The following BRAF variants were observed in gnomAD, a reference collection of about 807,000 sequenced individuals.
BRAF encodes the protein B-Raf proto-oncogene, serine/threonine kinase.
In BRAF, 16 loss-of-function variants were observed where a neutral mutation model predicts 104.6. The observed-to-expected ratio is 0.15, with a 90% CI of 0.10 to 0.23. The LOEUF (loss-of-function observed/expected upper bound fraction) is 0.23. Among genes scored for constraint, BRAF ranks in the 10% least tolerant of loss-of-function variants. BRAF has a pLI of 1.00. For missense variants in BRAF, 541 were observed against 937.3 expected (o/e 0.58, Z 5.52); for synonymous variants, 310 against 341.6 (o/e 0.91, Z 1.02).
intron 1 of BRAF, among the ~76,000 whole-genome samples, chr7:140,898,545 G>T (rs1325097880): frequency 6.6e-6 from 1 of 152,154 alleles, no homozygotes; most frequent in East Asian, 1.9e-4. Flanking sequence ...AAAATTAAAT[G>T]AGATAAATTT....
Position 140,813,355 on chromosome 7 carries a change from G to C in BRAF, c.505-4360C>G, listed in dbSNP as rs117910367. Among the ~76,000 whole-genome samples the C allele has an allele frequency of 2.0e-5, 3 of 152,216 alleles. No homozygotes were observed. In the East Asian group the frequency reaches 5.8e-4, roughly 29 times the overall value. ...TAGTGAAGTTATTTTTCATTTATCA[G>C]ATTGGCAAAAATCCAAAAAAAAATT... On this transcript the variant is annotated intron_variant, in intron 3 of 19. Transcript: ENST00000644969.
chr7:140,852,651 C>CA (rs113491961), intron 1 of BRAF, among the ~76,000 whole-genome samples: 18,598 of 152,094 alleles, frequency 0.12, 1,335 homozygotes, highest in South Asian at 0.21. Flanking sequence ...TAGGTGATCT[C>CA]ATCCAATCTT....
intron 14 of BRAF, among the ~76,000 whole-genome samples, chr7:140,771,564 C>T (rs993529980): frequency 5.9e-5 from 9 of 152,018 alleles, no homozygotes; most frequent in Admixed American, 4.6e-4. Flanking sequence ...AAAATGAATC[C>T]GTTTGTTCCT....
intron 1 of BRAF, among the ~76,000 whole-genome samples, chr7:140,916,031 G>C (rs1817598455): frequency 6.6e-6 from 1 of 151,868 alleles, no homozygotes; most frequent in South Asian, 2.1e-4. Flanking sequence ...TAAAAACTCT[G>C]CAAGGTGACC....
intron 1 of BRAF, among the ~76,000 whole-genome samples, chr7:140,855,170 T>G (rs1482326159): frequency 6.6e-6 from 1 of 151,980 alleles, no homozygotes; most frequent in African/African-American, 2.4e-5. Context: ...ATGACTCTTA[T>G]AAAATAGAGA....
At chr7:140,820,508 C>A (rs1178583427) in intron 3 of BRAF, among the ~76,000 whole-genome samples, 1 of 152,160 alleles carries the variant, frequency 6.6e-6, no homozygotes, top group Admixed American at 6.5e-5. Flanking sequence ...CCTGAACAAT[C>A]ATAAAAAACA....
chr7:140,875,321 A>G (rs1230776904), intron 1 of BRAF, among the ~76,000 whole-genome samples: 1 of 152,214 alleles, frequency 6.6e-6, no homozygotes, highest in Non-Finnish European at 1.5e-5. Flanking sequence ...AAATGGATAA[A>G]TACGTAGAAT....
rs556745864 is a variant in BRAF, at chr7:140,886,562, C to T, written c.139-36350G>A. On this transcript the variant is annotated intron_variant, in intron 1 of 19. Transcript: ENST00000644969. ...TCAGCAGCAGAGCAGAGCCTTCACA[C>T]ATGCTATTCCTTCTTCCTGGAACAC... Among the ~76,000 whole-genome samples the T allele has an allele frequency of 2.0e-5, 3 of 152,340 alleles. No individual in the cohort carries two copies. In the South Asian group the frequency reaches 6.2e-4, roughly 32 times the overall value.
chr7:140,894,255 G>C (rs1411569113), intron 1 of BRAF, among the ~76,000 whole-genome samples: 1 of 152,064 alleles, frequency 6.6e-6, no homozygotes, highest in East Asian at 1.9e-4. Flanking sequence ...GGCTGAAGAA[G>C]AAAAAAGGAA....
At chr7:140,763,456 CG>C (rs982542070) in intron 14 of BRAF, among the ~76,000 whole-genome samples, 15 of 151,994 alleles carry the variant, frequency 9.9e-5, no homozygotes, top group African/African-American at 3.4e-4. Context: ...GCTGGCTGGG[CG>C]GGGGGCTGAC....
chr7:140,808,811 G>T, intron 4 of BRAF, 81 bp downstream of exon 4: 4 of 1,144,568 alleles, frequency 3.5e-6, no homozygotes, highest in Non-Finnish European at 5.2e-6. Flanking sequence ...CCTAGGTTTT[G>T]GTAAAGATCC....
chr7:140,765,852 G>T (rs1341338988), intron 14 of BRAF, among the ~76,000 whole-genome samples: 1 of 150,264 alleles, frequency 6.7e-6, no homozygotes, highest in African/African-American at 2.5e-5. Context: ...ACTGTTGGTG[G>T]GACTGTAAAC....
chr7:140,810,877 C>T lies in BRAF; in HGVS notation c.505-1882G>A, dbSNP rs114727492. Among the ~76,000 whole-genome samples, 1,489 of 152,326 alleles carry T rather than the reference C, an allele frequency of 9.8e-3. 25 individuals carry two copies. The highest frequency in any genetic ancestry group is 0.034 in the African/African-American group (1,401 of 41,560). The stretch of plus-strand genomic sequence containing the variant: ...TTGCCTTCTTGTTTCAATTTTCATA[C>T]TATAAACAAGTATCCTGGGCAGAGC... On this transcript the variant is annotated intron_variant, in intron 3 of 19. Transcript: ENST00000644969.
At chr7:140,799,362 A>T (rs938043945) in intron 7 of BRAF, 3 of 232,522 alleles carry the variant, frequency 1.3e-5, no homozygotes, top group Non-Finnish European at 2.5e-5. Flanking sequence ...ATCCATCTGT[A>T]TTTCACTGCT....
At chr7:140,750,965 A>G (rs1797740590) in intron 16 of BRAF, among the ~76,000 whole-genome samples, 1 of 152,182 alleles carries the variant, frequency 6.6e-6, no homozygotes, top group Non-Finnish European at 1.5e-5. Flanking sequence ...AAAGTTGAGA[A>G]GAACATTGTA....
At chr7:140,814,639 T>C (rs895623803) in intron 3 of BRAF, among the ~76,000 whole-genome samples, 8 of 150,934 alleles carry the variant, frequency 5.3e-5, no homozygotes, top group Admixed American at 5.3e-4. Flanking sequence ...CACTCCAGCC[T>C]GGGTGACAGA....
At chr7:140,914,967 G>A (rs1473411367) in intron 1 of BRAF, among the ~76,000 whole-genome samples, 6 of 65,394 alleles carry the variant, frequency 9.2e-5, no homozygotes, top group South Asian at 1.8e-3. Flanking sequence ...TTGAACCCGG[G>A]GGGGGGGGGG....
At chr7:140,777,853 T>C (rs1165003680) in intron 13 of BRAF, 138 bp downstream of exon 12, 4 of 879,018 alleles carry the variant, frequency 4.6e-6, no homozygotes, top group Admixed American at 2.0e-5. Context: ...AAGACAAAAA[T>C]ATACTCAGAC....
intron 5 of BRAF, among the ~76,000 whole-genome samples, chr7:140,807,607 C>T (rs190873990): frequency 9.2e-5 from 14 of 152,138 alleles, no homozygotes; most frequent in African/African-American, 2.6e-4. Flanking sequence ...TACAAGCACA[C>T]GTTTGTGTAC....
Sources: gnomAD v4.1 joint callset for allele counts (sites outside exome capture counted in the v4.1 genomes callset) on GRCh38, gnomAD v4.1.1 for gene constraint, MANE v1.5 for transcripts, NCBI Gene and HGNC (gene_info 2026-07-23, HGNC 2026-07-21) for gene names.